The following VPS41 variants were observed in gnomAD, a reference collection of about 807,000 sequenced individuals.
VPS41 encodes the protein vacuolar protein sorting-associated protein 41 homolog.
In VPS41, 85 loss-of-function variants were observed where a neutral mutation model predicts 130.9. The ratio of observed to expected loss-of-function variants is 0.65; its 90% CI spans 0.55 to 0.78. VPS41 has a LOEUF of 0.78. VPS41 is among the 30% of genes least tolerant of loss of function. VPS41 has a pLI of 0.00. For missense variants in VPS41, 874 were observed against 1,018.7 expected (o/e 0.86, Z 1.93); for synonymous variants, 335 against 332.9 (o/e 1.01, Z -0.07).
intron 2 of VPS41, among the ~76,000 whole-genome samples, chr7:38,895,292 A>AGTCT (rs1412758096): frequency 2.6e-4 from 39 of 152,292 alleles, no homozygotes; most frequent in African/African-American, 8.4e-4. Flanking sequence ...ACTGCACTCC[A>AGTCT]GTCTTGGTGA....
At chr7:38,904,799 A>G (rs1477680496) in intron 1 of VPS41, among the ~76,000 whole-genome samples, 3 of 152,296 alleles carry the variant, frequency 2.0e-5, no homozygotes. Context: ...ATAAGGACAG[A>G]ATTCCCCTAA....
intron 2 of VPS41, among the ~76,000 whole-genome samples, chr7:38,870,845 ATGAAATTTTTTACACTG>A: frequency 6.6e-6 from 1 of 150,872 alleles, no homozygotes. Flanking sequence ...AAAGAATCAA[ATGAAATTTTTTACACTG>A]AAAATGTTAA....
intron 3 of VPS41, among the ~76,000 whole-genome samples, chr7:38,868,590 C>T (rs1056231589): frequency 6.6e-6 from 1 of 152,092 alleles, no homozygotes; most frequent in Admixed American, 6.5e-5. Flanking sequence ...AATAGGCTAA[C>T]GGTGCTATCT....
intron 2 of VPS41, among the ~76,000 whole-genome samples, chr7:38,897,359 C>T (rs1296700925): frequency 6.6e-6 from 1 of 151,762 alleles, no homozygotes; most frequent in East Asian, 1.9e-4. Context: ...AAGAAGCAAA[C>T]TCCAGGCCGG....
rs17171456 is a variant in VPS41 at position 38,742,000 on chromosome 7, T to C, written c.2244A>G (p.Gln748=). 1.4e-3 allele frequency: 2,292 copies of C among 1,612,976 alleles called. 25 individuals are homozygous for C. The African/African-American group carries it at 0.024, about 17-fold the overall frequency. ...NLRDSLVKIL[Q]DYNLQILLRE... The stretch of plus-strand genomic sequence containing the variant: ...GGATACTTACTTGCAAATTGTAGTC[T>C]TGCAGAATTTTAACCAAGGAATCTC... The change falls in exon 25 of 29, where the codon CAA becomes CAG. Residue 748 remains glutamine, a synonymous_variant. Coordinates refer to ENST00000310301, the MANE Select transcript of VPS41 (RefSeq NM_014396.4).
At chr7:38,883,431 A>T (rs1333012271) in intron 2 of VPS41, among the ~76,000 whole-genome samples, 1 of 152,062 alleles carries the variant, frequency 6.6e-6, no homozygotes, top group Admixed American at 6.5e-5. Context: ...TACCTATGAG[A>T]CTTTTTCCTC....
intron 3 of VPS41, among the ~76,000 whole-genome samples, chr7:38,867,878 A>C (rs1412405404): frequency 1.3e-5 from 2 of 152,222 alleles, no homozygotes; most frequent in African/African-American, 4.8e-5. Context: ...GAAGACAGGG[A>C]TGTATGAGAA....
At chr7:38,741,555 G>C (rs1795879316) in intron 25 of VPS41, among the ~76,000 whole-genome samples, 1 of 152,154 alleles carries the variant, frequency 6.6e-6, no homozygotes, top group Non-Finnish European at 1.5e-5. Flanking sequence ...ATGGCTTCAA[G>C]AAAAATTATT....
chr7:38,750,305 T>A (rs1270090000), intron 22 of VPS41, among the ~76,000 whole-genome samples: 1 of 152,144 alleles, frequency 6.6e-6, no homozygotes, highest in African/African-American at 2.4e-5. Flanking sequence ...CCACAATAGG[T>A]CCTGACAAAC....
At chr7:38,840,131 T>C (rs17618654) in intron 4 of VPS41, among the ~76,000 whole-genome samples, 2,919 of 152,360 alleles carry the variant, frequency 0.019, 35 homozygotes, top group Middle Eastern at 0.065. Context: ...AGCATTCCCA[T>C]CCTTGACTGC....
At position 38,726,038 on chromosome 7, in the gene VPS41, C is replaced by T; in HGVS notation, c.*208G>A. Reference sequence around the variant, plus strand: ...ATAACAAAATATTCACTATGGACCCCAAAATTTCAAGGCATGAAGAGAGCC... The same window carrying T: ...ATAACAAAATATTCACTATGGACCCTAAAATTTCAAGGCATGAAGAGAGCC... On this transcript the variant is annotated 3_prime_UTR_variant, in exon 29 of 29. Coordinates refer to ENST00000310301, the MANE Select transcript of VPS41 (RefSeq NM_014396.4). 1.9e-6 allele frequency: 1 copy of T among 524,116 alleles called. No homozygotes were observed. The highest frequency in any genetic ancestry group is 3.0e-5 in the South Asian group (1 of 33,124). The allele number at this position is 524,116 out of a possible 1,614,324, so 32.5% of individuals were successfully genotyped here.
intron 2 of VPS41, among the ~76,000 whole-genome samples, chr7:38,896,642 T>C (rs1326343083): frequency 6.6e-6 from 1 of 152,206 alleles, no homozygotes; most frequent in Non-Finnish European, 1.5e-5. Context: ...AGCCAAAAGA[T>C]TGGACATCCC....
At chr7:38,817,558 C>T (rs1308711702) in intron 7 of VPS41, among the ~76,000 whole-genome samples, 1 of 152,158 alleles carries the variant, frequency 6.6e-6, no homozygotes, top group African/African-American at 2.4e-5. Context: ...GCGGAGGCTG[C>T]AGTGAGCCAA....
chr7:38,891,658 G>A (rs8180877), intron 2 of VPS41, among the ~76,000 whole-genome samples: 95,768 of 152,082 alleles, frequency 0.63, 31,518 homozygotes, highest in East Asian at 0.9. Flanking sequence ...GTTCTTAATG[G>A]CATTTTTATA....
At chr7:38,861,464 T>C (rs1786111453) in intron 4 of VPS41, among the ~76,000 whole-genome samples, 1 of 152,148 alleles carries the variant, frequency 6.6e-6, no homozygotes, top group Non-Finnish European at 1.5e-5. Flanking sequence ...AGGTCAAAAG[T>C]ATATTCCTCT....
At chr7:38,746,711 G>A (rs2115668554) in intron 22 of VPS41, among the ~76,000 whole-genome samples, 1 of 151,922 alleles carries the variant, frequency 6.6e-6, no homozygotes, top group Non-Finnish European at 1.5e-5. Flanking sequence ...CTATTGCATC[G>A]CTCCACTCAG....
intron 4 of VPS41, among the ~76,000 whole-genome samples, chr7:38,842,520 C>T (rs546070833): frequency 6.5e-4 from 99 of 152,292 alleles, no homozygotes; most frequent in African/African-American, 2.2e-3. Context: ...CCCTTTCATC[C>T]TCATTCGAAT....
At position 38,796,786 on chromosome 7, in the gene VPS41, C is replaced by G. The variant is rs377118436; in HGVS notation, c.529G>C (p.Val177Leu). 1.2e-6 allele frequency: 2 copies of G among 1,613,896 alleles called. No homozygotes were observed. Among genetic ancestry groups the G allele is most frequent in the Non-Finnish European group, 1.7e-6 (2 of 1,179,920 alleles). The change falls in exon 8 of 29, where the codon GTG (valine) becomes CTG (leucine). Residue 177 changes from valine to leucine, a missense_variant. By Grantham distance (32) the Val-to-Leu change is conservative. Coordinates refer to ENST00000310301, the MANE Select transcript of VPS41 (RefSeq NM_014396.4). ...LHEGEGNIRS[V>L]KWRGHLIAWA... ...GCAATCAGATGGCCTCTCCACTTCA[C>G]ACTCCTTATGTTCCCTTCCCCTTCA...
intron 22 of VPS41, among the ~76,000 whole-genome samples, chr7:38,748,903 C>A (rs935120327): frequency 1.3e-5 from 2 of 148,764 alleles, no homozygotes; most frequent in Non-Finnish European, 3.0e-5. Context: ...TAAGACTTGG[C>A]TTGTCATGTA....
Sources: allele counts gnomAD v4.1 joint callset (sites outside exome capture counted in the v4.1 genomes callset), GRCh38; gene constraint gnomAD v4.1.1; transcripts MANE v1.5; gene names NCBI Gene and HGNC (gene_info 2026-07-23, HGNC 2026-07-21).